The following SYNPR variants were observed in gnomAD, a reference collection of about 807,000 sequenced individuals.
SYNPR encodes the protein synaptoporin.
Under a neutral mutation model 32.9 loss-of-function variants are expected in SYNPR, and 23 were observed. That is an observed-to-expected ratio of 0.70 (90% CI 0.50 to 0.99). SYNPR has a LOEUF of 0.99. Among genes scored for constraint, SYNPR ranks in the 50% least tolerant of loss-of-function variants. The pLI, the probability that SYNPR is intolerant of heterozygous loss-of-function variation, is 0.00. For synonymous variants in SYNPR, 146 were observed against 135.9 expected (o/e 1.07, Z -0.52); for missense variants, 318 against 349.3 (o/e 0.91, Z 0.71).
chr3:63,525,378 G>A (rs1342576348), intron 3 of SYNPR, among the ~76,000 whole-genome samples: 1 of 152,124 alleles, frequency 6.6e-6, no homozygotes, highest in African/African-American at 2.4e-5. Flanking sequence ...CCAAATCTCT[G>A]CAGTTGAGGC....
chr3:63,403,357 T>C (rs1032779391), intron 2 of SYNPR, among the ~76,000 whole-genome samples: 2 of 151,986 alleles, frequency 1.3e-5, no homozygotes, highest in African/African-American at 4.8e-5. Context: ...TGCATTACTG[T>C]GTTACTGCTT....
At chr3:63,309,237 C>G (rs1465390623) in intron 2 of SYNPR, among the ~76,000 whole-genome samples, 1 of 151,976 alleles carries the variant, frequency 6.6e-6, no homozygotes. Context: ...TGTCTCTACT[C>G]ACATTCTTGA....
chr3:63,589,142 T>C (rs1195998475), intron 4 of SYNPR, among the ~76,000 whole-genome samples: 5 of 152,066 alleles, frequency 3.3e-5, no homozygotes, highest in South Asian at 2.1e-4. Context: ...GTTGTATTCA[T>C]TATTCACCGT....
intron 3 of SYNPR, among the ~76,000 whole-genome samples, chr3:63,531,970 C>A (rs974647186): frequency 6.6e-6 from 1 of 152,140 alleles, no homozygotes; most frequent in Non-Finnish European, 1.5e-5. Context: ...TGTAAGTCTA[C>A]CAGGTTGCTC....
At chr3:63,501,494 C>CAAAAAAAAAAA (rs377290258) in intron 3 of SYNPR, among the ~76,000 whole-genome samples, 89 of 96,326 alleles carry the variant, frequency 9.2e-4, no homozygotes, top group Non-Finnish European at 1.2e-3. Flanking sequence ...CTCCCCCAAC[C>CAAAAAAAAAAA]AAAAAAAAAA....
chr3:63,256,828 T>C (rs561247800), intron 2 of SYNPR, among the ~76,000 whole-genome samples: 1 of 152,016 alleles, frequency 6.6e-6, no homozygotes, highest in Non-Finnish European at 1.5e-5. Flanking sequence ...TGAAAAAAAA[T>C]TAGACGAATG....
At chr3:63,243,873 A>T (rs1262399703) in intron 1 of SYNPR, among the ~76,000 whole-genome samples, 2 of 152,044 alleles carry the variant, frequency 1.3e-5, no homozygotes, top group African/African-American at 4.8e-5. Context: ...GGAATAAAAA[A>T]AACAAAAACA....
intron 2 of SYNPR, among the ~76,000 whole-genome samples, chr3:63,430,999 T>C (rs1218402959): frequency 6.6e-6 from 1 of 152,134 alleles, no homozygotes; most frequent in Non-Finnish European, 1.5e-5. Flanking sequence ...ACAGGGAAAG[T>C]GGCCTTTCAG....
chr3:63,486,565 C>G (rs1701154755), intron 3 of SYNPR, among the ~76,000 whole-genome samples: 1 of 152,186 alleles, frequency 6.6e-6, no homozygotes, highest in Admixed American at 6.5e-5. Context: ...ATCTTGATCT[C>G]AGGGGCTGCC....
intron 2 of SYNPR, among the ~76,000 whole-genome samples, chr3:63,310,988 A>C (rs1437851009): frequency 8.9e-6 from 1 of 111,862 alleles, no homozygotes; most frequent in Non-Finnish European, 2.0e-5. Flanking sequence ...CCACTCAGAA[A>C]ACACATAGAT....
At chr3:63,268,249 T>C (rs2086507595) in intron 3 of SYNPR, among the ~76,000 whole-genome samples, 1 of 152,246 alleles carries the variant, frequency 6.6e-6, no homozygotes, top group Non-Finnish European at 1.5e-5. Context: ...ATGTTGTGGA[T>C]AGCTGATCAA....
rs190627956 is a variant in SYNPR at position 63,570,269 on chromosome 3, C to T, written c.408+13528C>T. ...GATGACATTAGGGCATATTCATGGA[C>T]ACTCCCTGTGGAATGGTCTCCGACC... is the stretch of plus-strand genomic sequence containing the variant. On this transcript the variant is annotated intron_variant, in intron 4 of 5. Transcript: ENST00000478300. Among the ~76,000 whole-genome samples the T allele has an allele frequency of 1.9e-3, 289 of 152,240 alleles. 1 individual carries two copies. Among genetic ancestry groups the T allele is most frequent in the Non-Finnish European group, 1.5e-3 (102 of 68,016 alleles).
intron 2 of SYNPR, among the ~76,000 whole-genome samples, chr3:63,401,097 A>G (rs1038388476): frequency 6.6e-6 from 1 of 152,158 alleles, no homozygotes; most frequent in African/African-American, 2.4e-5. Flanking sequence ...GGTGGTTTAC[A>G]AAAACATCTT....
intron 2 of SYNPR, among the ~76,000 whole-genome samples, chr3:63,279,204 C>T (rs35194089): frequency 6.6e-6 from 1 of 152,106 alleles, no homozygotes; most frequent in Non-Finnish European, 1.5e-5. Context: ...AGCTCCTCTG[C>T]GGGACTGGGA....
rs1050456964 is a variant in SYNPR, at chr3:63,442,451, G to A, written c.85-38381G>A. ...CCTGTGCTGCGGTATCTGCCTTGGGGAAACATTGTCCACGATGCCAGTGTG... is the reference window on the plus strand; with the variant it reads ...CCTGTGCTGCGGTATCTGCCTTGGGAAAACATTGTCCACGATGCCAGTGTG... On this transcript the variant is annotated intron_variant, in intron 2 of 5. Coordinates refer to ENST00000478300, the MANE Select transcript of SYNPR (RefSeq NM_001130003.2). Among the ~76,000 whole-genome samples, 3 of 152,154 alleles carry A rather than the reference G, an allele frequency of 2.0e-5. No homozygotes were observed. The East Asian group carries it at 5.8e-4, about 29-fold the overall frequency.
intron 2 of SYNPR, among the ~76,000 whole-genome samples, chr3:63,281,534 G>A (rs1255375502): frequency 6.6e-6 from 1 of 152,088 alleles, no homozygotes; most frequent in Non-Finnish European, 1.5e-5. Context: ...TTTAGTGAGG[G>A]CCTACTTTCT....
intron 4 of SYNPR, among the ~76,000 whole-genome samples, chr3:63,601,397 G>A (rs557015837): frequency 7.2e-5 from 11 of 152,098 alleles, no homozygotes; most frequent in East Asian, 5.8e-4. Context: ...CAGATTCATC[G>A]TATAGGTAAA....
rs374538194 is a variant in SYNPR at position 63,396,237 on chromosome 3, G to A, written c.85-84595G>A. Among the ~76,000 whole-genome samples, 37 of 152,262 alleles carry A rather than the reference G, an allele frequency of 2.4e-4. 1 individual carries two copies. The South Asian group carries it at 7.2e-3, about 30-fold the overall frequency. ...CTCTCTAATTGCCCTTCAAATCAGT[G>A]ATTCATCCATATCACAAGGTTCCTC... On this transcript the variant is annotated intron_variant, in intron 2 of 5. Coordinates refer to ENST00000478300, the MANE Select transcript of SYNPR (RefSeq NM_001130003.2).
intron 3 of SYNPR, among the ~76,000 whole-genome samples, chr3:63,494,404 T>TATATATACAC (rs376662675): frequency 0.4 from 40,885 of 102,984 alleles, 9,431 homozygotes; most frequent in Admixed American, 0.42. Context: ...TATATATATA[T>TATATATACAC]ATATATATAT....
Sources: allele counts gnomAD v4.1 joint callset (sites outside exome capture counted in the v4.1 genomes callset), GRCh38; gene constraint gnomAD v4.1.1; transcripts MANE v1.5; gene names NCBI Gene and HGNC (gene_info 2026-07-23, HGNC 2026-07-21).